Variants in MEIOSIN observed in about 807,000 individuals in gnomAD.
The protein encoded by MEIOSIN is meiosis initiator protein.
A neutral mutation model predicts 23.4 loss-of-function variants in MEIOSIN; 18 were observed. The ratio of observed to expected loss-of-function variants is 0.77; its 90% CI spans 0.53 to 1.14. MEIOSIN has a LOEUF of 1.14. Among genes scored for constraint, MEIOSIN ranks in the 50% most tolerant of loss-of-function variants. MEIOSIN has a pLI of 0.00. For missense variants in MEIOSIN, 428 were observed against 242.9 expected, an observed-to-expected ratio of 1.76 and a Z score of -5.07; for synonymous variants, 187 against 100.6, an observed-to-expected ratio of 1.86 and a Z score of -5.14.
chr19:45,742,714 C>T (rs1026032996), intron 3 of MEIOSIN, among the ~76,000 whole-genome samples: 4 of 151,864 alleles, frequency 2.6e-5, no homozygotes, highest in Non-Finnish European at 5.9e-5. Context: ...GCTGAGGAGG[C>T]GTAATCCCGG....
intron 8 of MEIOSIN, 32 bp downstream of exon 8, chr19:45,756,110 G>T (rs555198297): frequency 1.4e-6 from 1 of 701,808 alleles, no homozygotes; most frequent in Non-Finnish European, 2.6e-6. Flanking sequence ...TGAGTGAGTG[G>T]TGCTGAGGGG....
chr19:45,751,220 C>T (rs1389063298), intron 5 of MEIOSIN, among the ~76,000 whole-genome samples: 4 of 150,514 alleles, frequency 2.7e-5, no homozygotes, highest in East Asian at 2.0e-4. Flanking sequence ...TGCTGTGAGC[C>T]GAGATCACGC....
intron 2 of MEIOSIN, among the ~76,000 whole-genome samples, chr19:45,739,293 G>A (rs2146174040): frequency 6.6e-6 from 1 of 152,214 alleles, no homozygotes; most frequent in East Asian, 1.9e-4. Context: ...TGAGATTACA[G>A]ACATGTGCTA....
chr19:45,751,158 G>C (rs1968696269), intron 5 of MEIOSIN, among the ~76,000 whole-genome samples: 1 of 151,438 alleles, frequency 6.6e-6, no homozygotes, highest in Non-Finnish European at 1.5e-5. Flanking sequence ...TGTAATCCCA[G>C]CTACTTGGGA....
intron 4 of MEIOSIN, among the ~76,000 whole-genome samples, chr19:45,747,477 TGTTTCCG>T: frequency 6.6e-6 from 1 of 152,284 alleles, no homozygotes; most frequent in Non-Finnish European, 1.5e-5. Context: ...ATTACTTCCT[TGTTTCCG>T]ACCTCCTTCA....
intron 4 of MEIOSIN, among the ~76,000 whole-genome samples, chr19:45,745,927 T>C (rs543781526): frequency 6.6e-6 from 1 of 152,240 alleles, no homozygotes; most frequent in African/African-American, 2.4e-5. Context: ...TCTCAGTGGC[T>C]TTTTCACTTG....
intron 2 of MEIOSIN, among the ~76,000 whole-genome samples, chr19:45,735,669 C>CCTAT (rs1555782195): frequency 6.6e-6 from 1 of 151,844 alleles, no homozygotes; most frequent in Non-Finnish European, 1.5e-5. Flanking sequence ...AAGATCATTG[C>CCTAT]TTATTTATTT....
chr19:45,751,663 G>C (rs1259503602), intron 5 of MEIOSIN, among the ~76,000 whole-genome samples: 2 of 150,894 alleles, frequency 1.3e-5, no homozygotes, highest in Non-Finnish European at 2.9e-5. Flanking sequence ...TACAGTAACA[G>C]CGACAGCACC....
chr19:45,747,362 TTCAGAGTGTCCTTCCTCACCAC>T (rs1968613618), intron 4 of MEIOSIN, among the ~76,000 whole-genome samples: 1 of 152,350 alleles, frequency 6.6e-6, no homozygotes, highest in Non-Finnish European at 1.5e-5. Flanking sequence ...GCAGCTTTGA[TTCAGAGTGTCCTTCCTCACCAC>T]TCTGGCTGGT....
Position 45,764,463 on chromosome 19 carries a change from T to A in MEIOSIN, c.*345T>A. 4.1e-6 allele frequency: 1 copy of A among 245,512 alleles called. No homozygotes were observed. The highest frequency in any genetic ancestry group is 7.6e-6 in the Non-Finnish European group (1 of 131,116). The allele number at this position is 245,512 out of a possible 1,614,324, so 15.2% of individuals were successfully genotyped here. ...CCTGTTCATGCTCACCTCACCCTACTCCTCCCTCTCCTGTTCTATTTTTAG... is the reference window on the plus strand; with the variant it reads ...CCTGTTCATGCTCACCTCACCCTACACCTCCCTCTCCTGTTCTATTTTTAG... On this transcript the variant is annotated 3_prime_UTR_variant, in exon 15 of 15. Transcript: ENST00000457052.
intron 1 of MEIOSIN, among the ~76,000 whole-genome samples, chr19:45,734,257 G>A (rs1204402278): frequency 1.3e-5 from 2 of 152,010 alleles, no homozygotes; most frequent in Non-Finnish European, 2.9e-5. Context: ...ACCCACATTC[G>A]AGATCTCAGT....
intron 2 of MEIOSIN, among the ~76,000 whole-genome samples, chr19:45,738,758 C>T (rs1477865772): frequency 2.0e-5 from 3 of 152,108 alleles, no homozygotes; most frequent in African/African-American, 4.8e-5. Context: ...TGTTGTAAGA[C>T]GAGGACTGTG....
At chr19:45,738,500 C>T (rs1038502272) in intron 2 of MEIOSIN, among the ~76,000 whole-genome samples, 3 of 152,162 alleles carry the variant, frequency 2.0e-5, no homozygotes, top group African/African-American at 7.2e-5. Flanking sequence ...TGCCGGTAAT[C>T]CCAAGCTACT....
intron 8 of MEIOSIN, among the ~76,000 whole-genome samples, chr19:45,756,712 C>T (rs1199065325): frequency 6.6e-6 from 1 of 152,186 alleles, no homozygotes; most frequent in African/African-American, 2.4e-5. Flanking sequence ...GTATGGGCCA[C>T]TGCACCCGGC....
At chr19:45,736,613 C>T (rs1041174207) in intron 2 of MEIOSIN, among the ~76,000 whole-genome samples, 5 of 152,014 alleles carry the variant, frequency 3.3e-5, no homozygotes, top group Non-Finnish European at 7.4e-5. Context: ...GCGATCCGCC[C>T]GCTGGAGTGC....
chr19:45,759,225 T>C (rs1275454341), intron 10 of MEIOSIN, among the ~76,000 whole-genome samples, 189 bp from the exon 11 acceptor site: 1 of 152,166 alleles, frequency 6.6e-6, no homozygotes, highest in Non-Finnish European at 1.5e-5. Flanking sequence ...TAGCAGGACT[T>C]GAGCTCACTC....
At chr19:45,737,904 G>A (rs1041544669) in intron 2 of MEIOSIN, among the ~76,000 whole-genome samples, 1 of 150,098 alleles carries the variant, frequency 6.7e-6, no homozygotes, top group Non-Finnish European at 1.5e-5. Flanking sequence ...CCTGGGCAAC[G>A]AGTGAAACTC....
intron 4 of MEIOSIN, among the ~76,000 whole-genome samples, chr19:45,746,270 C>G (rs372112627): frequency 7.9e-5 from 12 of 152,284 alleles, no homozygotes; most frequent in African/African-American, 2.6e-4. Context: ...CCCAGCCAGT[C>G]TCACTGGTTT....
intron 1 of MEIOSIN, among the ~76,000 whole-genome samples, chr19:45,734,994 A>G (rs1968387583): frequency 6.6e-6 from 1 of 151,900 alleles, no homozygotes; most frequent in Non-Finnish European, 1.5e-5. Flanking sequence ...CCCAGGTTCA[A>G]GTGATTCTCC....
Sources: allele counts gnomAD v4.1 joint callset (sites outside exome capture counted in the v4.1 genomes callset), GRCh38; gene constraint gnomAD v4.1.1; transcripts MANE v1.5; gene names NCBI Gene and HGNC (gene_info 2026-07-23, HGNC 2026-07-21).